FBXL13: variants seen among roughly 807,000 people sequenced by gnomAD.
FBXL13 encodes the protein F-box and leucine-rich repeat protein 13.
A neutral mutation model predicts 83.6 loss-of-function variants in FBXL13; 67 were observed. The observed-to-expected ratio is 0.80, with a 90% CI of 0.66 to 0.98. The LOEUF is 0.98. Among genes scored for constraint, FBXL13 ranks in the 50% least tolerant of loss-of-function variants. The pLI, the probability that FBXL13 is intolerant of heterozygous loss-of-function variation, is 0.00. For synonymous variants in FBXL13, 272 were observed against 299.5 expected, an observed-to-expected ratio of 0.91 and a Z score of 0.95; for missense variants, 822 against 866.5, an observed-to-expected ratio of 0.95 and a Z score of 0.64.
intron 6 of FBXL13, among the ~76,000 whole-genome samples, chr7:102,982,276 T>C (rs531834767): frequency 6.6e-6 from 1 of 152,150 alleles, no homozygotes; most frequent in African/African-American, 2.4e-5. Flanking sequence ...GTTAGCAGCA[T>C]AAGCTTATGG....
At chr7:102,913,207 T>C in exon 11 of FBXL13, 1 of 1,614,162 alleles carries the variant, frequency 6.2e-7, no homozygotes, top group African/African-American at 1.3e-5. Flanking sequence ...CTGTAAGTTG[T>C]GGAAGTGCCT....
intron 4 of FBXL13, among the ~76,000 whole-genome samples, chr7:103,028,105 A>G (rs754474827): frequency 4.6e-5 from 7 of 152,198 alleles, no homozygotes; most frequent in Non-Finnish European, 1.0e-4. Context: ...GGAAGACAAG[A>G]GCTCTTGGAG....
intron 11 of FBXL13, among the ~76,000 whole-genome samples, chr7:102,888,274 C>T (rs765023505): frequency 2.6e-5 from 4 of 152,204 alleles, no homozygotes; most frequent in Non-Finnish European, 4.4e-5. Context: ...TGCAGTGGCT[C>T]ACGCCTGTAA....
In FBXL13 at chr7:102,813,534, G is replaced by A. The variant is rs1797590271; in HGVS notation, c.2019-3C>T. The A allele has an allele frequency of 1.2e-6, 2 of 1,613,548 alleles. No individual in the cohort carries two copies. Among genetic ancestry groups the A allele is most frequent in the South Asian group, 1.1e-5 (1 of 90,956 alleles). On this transcript the variant is annotated splice_region_variant and splice_polypyrimidine_tract_variant and intron_variant, in intron 19 of 19. Coordinates refer to ENST00000313221, the Ensembl canonical transcript of FBXL13. ...ATGACATTCTTTGAGCTGCCTTCCT[G>A]TAATAACAGTGCTTAGCATTAGCTA...
chr7:102,883,865 G>A (rs1417586911), intron 12 of FBXL13, among the ~76,000 whole-genome samples, 180 bp from the exon 14 acceptor site: 2 of 152,056 alleles, frequency 1.3e-5, no homozygotes, highest in Admixed American at 6.6e-5. Context: ...CTAATGTGGA[G>A]GAATCAGAAT....
At chr7:103,036,210 TTTC>T (rs1426168970) in intron 2 of FBXL13, among the ~76,000 whole-genome samples, 1 of 152,004 alleles carries the variant, frequency 6.6e-6, no homozygotes, top group African/African-American at 2.4e-5. Flanking sequence ...ATGGAAAAAA[TTTC>T]TTCCACAAAA....
chr7:103,046,101 C>T (rs1796248004), intron 2 of FBXL13, among the ~76,000 whole-genome samples: 1 of 152,126 alleles, frequency 6.6e-6, no homozygotes, highest in Admixed American at 6.5e-5. Flanking sequence ...AACCGAACCA[C>T]CTAAAATTAA....
chr7:102,925,050 T>C (rs1817849384), intron 10 of FBXL13, among the ~76,000 whole-genome samples: 1 of 152,226 alleles, frequency 6.6e-6, no homozygotes, highest in African/African-American at 2.4e-5. Flanking sequence ...AAAGTCAAAT[T>C]TGAATCTCTC....
intron 6 of FBXL13, among the ~76,000 whole-genome samples, chr7:103,022,745 A>T (rs1793357689): frequency 1.3e-5 from 2 of 152,232 alleles, no homozygotes; most frequent in African/African-American, 2.4e-5. Flanking sequence ...AGGAAATACC[A>T]TTCTGGGCAT....
intron 9 of FBXL13, among the ~76,000 whole-genome samples, chr7:102,931,547 G>T (rs1563109204): frequency 6.6e-6 from 1 of 152,166 alleles, no homozygotes; most frequent in Non-Finnish European, 1.5e-5. Flanking sequence ...CACAGCTGTT[G>T]ATAGCCATGA....
intron 17 of FBXL13, among the ~76,000 whole-genome samples, chr7:102,836,521 C>T (rs1802019057): frequency 6.6e-6 from 1 of 152,156 alleles, no homozygotes; most frequent in South Asian, 2.1e-4. Context: ...ATTTTCTTTC[C>T]TTGGAAAATG....
At position 102,992,325 on chromosome 7, in the gene FBXL13, T is replaced by G. The variant is rs35032036; in HGVS notation, c.496-24208A>C. 3.4e-3 allele frequency among the ~76,000 whole-genome samples: 514 copies of G among 152,280 alleles called. 2 individuals carry two copies. Among genetic ancestry groups the G allele is most frequent in the Non-Finnish European group, 6.2e-3 (419 of 68,020 alleles). On this transcript the variant is annotated intron_variant, in intron 6 of 19. Transcript: ENST00000313221. Reference sequence around the variant, plus strand: ...CAAACACATCTTGTTACTGTCAACTTAAATTCTCTATCATCTCCTTTTTAC... The same window carrying G: ...CAAACACATCTTGTTACTGTCAACTGAAATTCTCTATCATCTCCTTTTTAC...
intron 9 of FBXL13, among the ~76,000 whole-genome samples, chr7:102,930,281 T>A (rs1428700380): frequency 6.6e-6 from 1 of 152,164 alleles, no homozygotes; most frequent in Non-Finnish European, 1.5e-5. Flanking sequence ...ATGATTGGCA[T>A]TCCACAGCCA....
At chr7:102,917,060 G>C (rs1816037174) in intron 10 of FBXL13, among the ~76,000 whole-genome samples, 1 of 152,110 alleles carries the variant, frequency 6.6e-6, no homozygotes, top group South Asian at 2.1e-4. Context: ...CTGTAAAAGA[G>C]GGAATTTGCA....
chr7:102,900,706 C>T lies in FBXL13; in HGVS notation c.1008+12380G>A, dbSNP rs937266261. Among the ~76,000 whole-genome samples the T allele has an allele frequency of 4.6e-5, 7 of 152,122 alleles. 1 individual carries two copies. The highest frequency in any genetic ancestry group is 7.4e-5 in the Non-Finnish European group (5 of 68,016). On this transcript the variant is annotated intron_variant, in intron 11 of 19. Transcript: ENST00000313221. ...TTACTAAGATATCTGTGCTTCACGA[C>T]GAACCCATTTCTTACTCTCACTGGG...
downstream of FBXL13, among the ~76,000 whole-genome samples, chr7:102,811,417 T>G (rs901006259): frequency 6.6e-6 from 1 of 152,234 alleles, no homozygotes; most frequent in Non-Finnish European, 1.5e-5. Context: ...GTATCCCTAT[T>G]CTTGGTCTCC....
chr7:102,922,911 G>A (rs1429081893), intron 10 of FBXL13, among the ~76,000 whole-genome samples: 1 of 152,164 alleles, frequency 6.6e-6, no homozygotes, highest in African/African-American at 2.4e-5. Flanking sequence ...CCGGGAGGCG[G>A]AGCTTGCAGT....
At chr7:102,968,206 T>TGTGCGTGCACACAC (rs2129480904) in intron 6 of FBXL13, 89 bp from the exon 8 acceptor site, 1 of 796,380 alleles carries the variant, frequency 1.3e-6, no homozygotes, top group South Asian at 1.5e-5. Flanking sequence ...TGTGCACACA[T>TGTGCGTGCACACAC]GTGCGTGCAC....
intron 17 of FBXL13, among the ~76,000 whole-genome samples, chr7:102,852,864 T>C (rs1284035652): frequency 2.1e-5 from 3 of 144,878 alleles, no homozygotes; most frequent in Non-Finnish European, 4.6e-5. Flanking sequence ...AAAGAAGTCA[T>C]TGTACGAAAA....
Sources: gnomAD v4.1 joint callset for allele counts (sites outside exome capture counted in the v4.1 genomes callset) on GRCh38, gnomAD v4.1.1 for gene constraint, MANE v1.5 for transcripts, NCBI Gene and HGNC (gene_info 2026-07-23, HGNC 2026-07-21) for gene names.